Variants in CCDC73 observed in about 807,000 individuals in gnomAD.
CCDC73 encodes coiled-coil domain-containing protein 73.
CCDC73 carries 95 observed loss-of-function variants against 116.5 expected under a neutral mutation model. The ratio of observed to expected loss-of-function variants is 0.82; its 90% confidence interval spans 0.69 to 0.97. CCDC73 has a LOEUF of 0.97. CCDC73 is among the 50% of genes least tolerant of loss of function. The pLI is 0.00. For missense variants in CCDC73, 1,066 were observed against 1,206.8 expected (o/e 0.88, Z 1.73); for synonymous variants, 398 against 401.3 (o/e 0.99, Z 0.10).
intron 2 of CCDC73, among the ~76,000 whole-genome samples, chr11:32,735,838 C>T (rs994875645): frequency 1.3e-5 from 2 of 151,952 alleles, no homozygotes; most frequent in Admixed American, 1.3e-4. Context: ...CAGAACAGAG[C>T]CCTCAGAAAT....
At chr11:32,810,388 TAAAGC>T in the CCDC73 span, among the ~76,000 whole-genome samples, 2 of 152,232 alleles carry the variant, frequency 1.3e-5, no homozygotes, top group African/African-American at 4.8e-5. Flanking sequence ...TAACTGAACT[TAAAGC>T]TAAGCTTTAG....
rs528891281 is a variant in CCDC73, at chr11:32,735,615, C to G, written c.136-17468G>C. Among the ~76,000 whole-genome samples the G allele has an allele frequency of 1.6e-4, 24 of 152,310 alleles. No homozygotes were observed. The South Asian group carries it at 2.1e-3, about 13-fold the overall frequency. On this transcript the variant is annotated intron_variant, in intron 2 of 17. Coordinates refer to ENST00000335185, the MANE Select transcript of CCDC73 (RefSeq NM_001008391.4). ...TAATTTATAGATTCAATGCCATCCC[C>G]ATCAAGCTACCAATGACTTTCTTCA...
chr11:32,726,015 C>T (rs955395466), intron 2 of CCDC73, among the ~76,000 whole-genome samples: 1 of 152,154 alleles, frequency 6.6e-6, no homozygotes, highest in Admixed American at 6.5e-5. Context: ...AAGACGAAAA[C>T]AGCTTCCAGG....
At chr11:32,619,701 G>C (rs1022440238) in intron 14 of CCDC73, among the ~76,000 whole-genome samples, 3 of 151,516 alleles carry the variant, frequency 2.0e-5, no homozygotes, top group African/African-American at 7.3e-5. Context: ...TAAGAAAGGA[G>C]GAGAATGAGG....
rs149165911 is a variant in CCDC73 at position 32,720,101 on chromosome 11, C to T, written c.136-1954G>A. On this transcript the variant is annotated intron_variant, in intron 2 of 17. Transcript: ENST00000335185. ...TACCAAAGACAGCACAAAGGGAATACTCTGACCAATACTTCTCACAAATTT... is the reference window on the plus strand; with the variant it reads ...TACCAAAGACAGCACAAAGGGAATATTCTGACCAATACTTCTCACAAATTT... Among the ~76,000 whole-genome samples the T allele has an allele frequency of 6.7e-3, 1,018 of 152,248 alleles. 11 individuals carry two copies. The highest frequency in any genetic ancestry group is 0.023 in the African/African-American group (953 of 41,554).
Position 32,642,060 on chromosome 11 carries a change from A to G in CCDC73, c.962T>C (p.Leu321Pro). 1 of 1,569,314 alleles carries G rather than the reference A, an allele frequency of 6.4e-7. No individual in the cohort carries two copies. ...NNQTLERDNELQREKVKENEE... is the reference protein window; with the variant it reads ...NNQTLERDNEPQREKVKENEE... ...ATTTTCTTTTACCTTCTCCCTTTGC[A>G]GCTCATTATCTCTTTCAAGGGTCTG... is the stretch of plus-strand genomic sequence containing the variant. The change falls in exon 13 of 18, where the codon CTG becomes CCG. Residue 321 changes from leucine (L) to proline (P), a missense_variant. Physicochemically the swap from Leu to Pro is moderately conservative, Grantham distance 98. Transcript: ENST00000335185.
intron 12 of CCDC73, among the ~76,000 whole-genome samples, chr11:32,642,483 G>A (rs1401115923): frequency 6.6e-6 from 1 of 151,842 alleles, no homozygotes; most frequent in Non-Finnish European, 1.5e-5. Context: ...GAAATTAACT[G>A]GCTAGAAAAC....
At chr11:32,714,237 G>A (rs1013682850) in intron 3 of CCDC73, among the ~76,000 whole-genome samples, 3 of 151,954 alleles carry the variant, frequency 2.0e-5, no homozygotes, top group African/African-American at 7.2e-5. Flanking sequence ...GACCAAGAAG[G>A]TTACCTCTAA....
At chr11:32,683,330 T>C (rs1856164900) in intron 7 of CCDC73, 1 of 548,612 alleles carries the variant, frequency 1.8e-6, no homozygotes, top group Non-Finnish European at 3.3e-6. Context: ...GTATAAGTAC[T>C]ATGTAATCTC....
chr11:32,617,115 G>A (rs1250534518), intron 14 of CCDC73, among the ~76,000 whole-genome samples: 2 of 152,182 alleles, frequency 1.3e-5, no homozygotes, highest in Non-Finnish European at 2.9e-5. Context: ...CATGTAGGGA[G>A]AAGAATGAAG....
chr11:32,621,333 C>A (rs1229850389), intron 14 of CCDC73, among the ~76,000 whole-genome samples: 2 of 152,032 alleles, frequency 1.3e-5, no homozygotes, highest in Non-Finnish European at 2.9e-5. Flanking sequence ...ACATACAGAC[C>A]AATGAAACAG....
At chr11:32,752,053 G>A (rs1249651290) in intron 2 of CCDC73, among the ~76,000 whole-genome samples, 1 of 152,162 alleles carries the variant, frequency 6.6e-6, no homozygotes, top group Non-Finnish European at 1.5e-5. Context: ...TCCCCATGTA[G>A]CTTCTCATAA....
intron 13 of CCDC73, among the ~76,000 whole-genome samples, chr11:32,636,992 T>TCTG (rs1855684978): frequency 1.3e-5 from 2 of 149,818 alleles, no homozygotes; most frequent in South Asian, 4.2e-4. Flanking sequence ...ACCCAGTTCC[T>TCTG]CTGTCTGTTT....
chr11:32,660,242 A>C (rs1342394491), intron 9 of CCDC73, among the ~76,000 whole-genome samples: 1 of 150,412 alleles, frequency 6.6e-6, no homozygotes, highest in Non-Finnish European at 1.5e-5. Flanking sequence ...AAAAAAAAAA[A>C]AAAAAAAAAA....
chr11:32,606,027 A>C (rs963141087), intron 17 of CCDC73: 1 of 152,114 alleles, frequency 6.6e-6, no homozygotes, highest in Non-Finnish European at 1.5e-5. Context: ...AAAAAAAAGT[A>C]AGTGGCTTGC....
chr11:32,817,733 T>C, the CCDC73 span, among the ~76,000 whole-genome samples: 1 of 152,148 alleles, frequency 6.6e-6, no homozygotes, highest in African/African-American at 2.4e-5. Context: ...TCACCACATA[T>C]TGCTAATCTT....
chr11:32,608,180 A>C (rs921921163), intron 17 of CCDC73, among the ~76,000 whole-genome samples: 1 of 152,178 alleles, frequency 6.6e-6, no homozygotes, highest in Non-Finnish European at 1.5e-5. Context: ...CTCACATTTC[A>C]AAACCAATCA....
intron 12 of CCDC73, among the ~76,000 whole-genome samples, chr11:32,647,287 G>T (rs1855786745): frequency 6.6e-6 from 1 of 152,190 alleles, no homozygotes. Flanking sequence ...GAAAGCAGGA[G>T]CAAGAGCAAG....
chr11:32,606,673 A>G (rs905192913), intron 17 of CCDC73, among the ~76,000 whole-genome samples: 25 of 152,172 alleles, frequency 1.6e-4, no homozygotes, highest in Admixed American at 1.6e-3. Context: ...AAGAGCCACA[A>G]TATCTAGCCT....
Sources: allele counts gnomAD v4.1 joint callset (sites outside exome capture counted in the v4.1 genomes callset), GRCh38; gene constraint gnomAD v4.1.1; transcripts MANE v1.5; gene names NCBI Gene and HGNC (gene_info 2026-07-23, HGNC 2026-07-21).